Variants in GULP1 observed in about 807,000 individuals in gnomAD.
GULP1 encodes GULP PTB domain containing engulfment adaptor 1, also known as PTB domain-containing engulfment adapter protein 1.
GULP1 carries 19 observed loss-of-function variants against 40.9 expected under a neutral mutation model. The observed-to-expected ratio is 0.46, with a 90% CI of 0.32 to 0.68. The LOEUF (loss-of-function observed/expected upper bound fraction) is 0.68, where lower values mean the gene tolerates loss of function less well. Ranked by LOEUF, GULP1 falls within the 30% of genes least tolerant of loss-of-function variation. The pLI, the probability that GULP1 is intolerant of heterozygous loss-of-function variation, is 0.03. For missense variants in GULP1, 312 were observed against 362.2 expected, an observed-to-expected ratio of 0.86 and a Z score of 1.12; for synonymous variants, 119 against 117.6, an observed-to-expected ratio of 1.01 and a Z score of -0.08.
At chr2:188,469,056 A>G (rs1559277423) in intron 2 of GULP1, among the ~76,000 whole-genome samples, 1 of 152,162 alleles carries the variant, frequency 6.6e-6, no homozygotes, top group Non-Finnish European at 1.5e-5. Context: ...GAGAGGATGT[A>G]AATGAAGGGT....
chr2:188,528,840 C>T lies in GULP1; in HGVS notation c.163-257C>T, dbSNP rs573639691. Among the ~76,000 whole-genome samples, 6 of 152,154 alleles carry T rather than the reference C, an allele frequency of 3.9e-5. No homozygotes were observed. In the East Asian group the frequency reaches 7.7e-4, roughly 20 times the overall value. On this transcript the variant is annotated intron_variant, in intron 5 of 11. Coordinates refer to ENST00000409830, the MANE Select transcript of GULP1 (RefSeq NM_016315.4). ...TTTTCTCAACTGTCTGGTATGAATACGTTTTTGTAAATACCATGAAAGAAG... is the reference window on the plus strand; with the variant it reads ...TTTTCTCAACTGTCTGGTATGAATATGTTTTTGTAAATACCATGAAAGAAG...
intron 1 of GULP1, among the ~76,000 whole-genome samples, chr2:188,334,386 G>A (rs1044184778): frequency 2.6e-5 from 4 of 152,142 alleles, no homozygotes; most frequent in Admixed American, 6.6e-5. Flanking sequence ...GACAACTTAG[G>A]ACAAGTGGTT....
At chr2:188,522,958 C>G (rs1406713080) in intron 5 of GULP1, 131 bp downstream of exon 5, 4 of 561,412 alleles carry the variant, frequency 7.1e-6, no homozygotes, top group Non-Finnish European at 1.3e-5. Flanking sequence ...AACTATTGAA[C>G]AAATGTAATC....
chr2:188,353,853 A>G (rs571145370), intron 1 of GULP1, among the ~76,000 whole-genome samples: 4 of 151,946 alleles, frequency 2.6e-5, no homozygotes, highest in Admixed American at 6.5e-5. Context: ...GGCCTGACCA[A>G]TGAAGTTAGT....
At chr2:188,336,160 C>A (rs1262132234) in intron 1 of GULP1, among the ~76,000 whole-genome samples, 1 of 152,094 alleles carries the variant, frequency 6.6e-6, no homozygotes, top group East Asian at 1.9e-4. Context: ...TTATAAAACG[C>A]ATGTTTTTTC....
At chr2:188,482,323 G>T (rs1293569256) in intron 3 of GULP1, among the ~76,000 whole-genome samples, 4 of 151,922 alleles carry the variant, frequency 2.6e-5, no homozygotes, top group Non-Finnish European at 5.9e-5. Flanking sequence ...ATTAGTTTCT[G>T]TTAACAGCAT....
intron 1 of GULP1, among the ~76,000 whole-genome samples, chr2:188,300,542 C>T (rs72905586): frequency 0.011 from 1,747 of 152,132 alleles, 14 homozygotes; most frequent in Non-Finnish European, 0.02. Flanking sequence ...ACAAGTACAA[C>T]AAATTACTAT....
chr2:188,416,168 C>T (rs2054552760), intron 2 of GULP1, among the ~76,000 whole-genome samples: 1 of 151,856 alleles, frequency 6.6e-6, no homozygotes, highest in African/African-American at 2.4e-5. Flanking sequence ...TTCTTCCCCT[C>T]TCTCTTTTTC....
intron 2 of GULP1, among the ~76,000 whole-genome samples, chr2:188,447,424 G>C (rs890524667): frequency 6.6e-6 from 1 of 152,052 alleles, no homozygotes; most frequent in Admixed American, 6.6e-5. Flanking sequence ...TGGTTGGGGG[G>C]CCTTATAAGT....
At chr2:188,428,614 T>C (rs2056496081) in intron 2 of GULP1, among the ~76,000 whole-genome samples, 2 of 152,182 alleles carry the variant, frequency 1.3e-5, no homozygotes. Context: ...GCTTTGGACA[T>C]GTAAAGTGCA....
intron 2 of GULP1, among the ~76,000 whole-genome samples, chr2:188,392,662 A>G (rs60796263): frequency 0.18 from 26,983 of 151,602 alleles, 2,470 homozygotes; most frequent in South Asian, 0.24. Flanking sequence ...TTGTTTCTCT[A>G]TTTCCTTGAG....
intron 9 of GULP1, among the ~76,000 whole-genome samples, chr2:188,572,497 C>T (rs1406742777): frequency 6.6e-6 from 1 of 152,066 alleles, no homozygotes; most frequent in African/African-American, 2.4e-5. Context: ...ACACTGAGTT[C>T]ATATATATGT....
intron 1 of GULP1, among the ~76,000 whole-genome samples, chr2:188,321,321 A>G (rs915782602): frequency 7.2e-5 from 11 of 152,294 alleles, no homozygotes; most frequent in African/African-American, 2.4e-4. Context: ...AACCAATTTC[A>G]AAAGATTTGA....
chr2:188,561,723 A>T (rs558449581), intron 7 of GULP1, among the ~76,000 whole-genome samples: 38 of 152,172 alleles, frequency 2.5e-4, no homozygotes, highest in Non-Finnish European at 4.4e-4. Context: ...CTGAGGCCCC[A>T]GCATTGCAGA....
intron 2 of GULP1, among the ~76,000 whole-genome samples, chr2:188,400,488 A>C (rs1371118261): frequency 6.6e-6 from 1 of 151,984 alleles, no homozygotes; most frequent in East Asian, 1.9e-4. Flanking sequence ...TGGAGAGGAG[A>C]GATGATGGTG....
chr2:188,484,031 C>T (rs988650714), intron 4 of GULP1, among the ~76,000 whole-genome samples: 8 of 152,144 alleles, frequency 5.3e-5, no homozygotes, highest in Admixed American at 2.6e-4. Flanking sequence ...TCAAGTGATT[C>T]TCCCACTTCA....
intron 7 of GULP1, among the ~76,000 whole-genome samples, chr2:188,559,641 C>T (rs1042352692): frequency 6.6e-6 from 1 of 152,130 alleles, no homozygotes; most frequent in African/African-American, 2.4e-5. Context: ...TGGGTTAATG[C>T]TTAACTGAGT....
intron 2 of GULP1, among the ~76,000 whole-genome samples, chr2:188,411,019 T>C (rs945336430): frequency 3.3e-5 from 5 of 152,196 alleles, no homozygotes; most frequent in Non-Finnish European, 7.3e-5. Context: ...GCATAATTGC[T>C]CTCTACTTGG....
chr2:188,544,480 A>G (rs1403894992), intron 7 of GULP1, among the ~76,000 whole-genome samples: 4 of 151,980 alleles, frequency 2.6e-5, no homozygotes, highest in Non-Finnish European at 4.4e-5. Context: ...TGGCACATGT[A>G]TACATATGTA....
Sources: gnomAD v4.1 joint callset for allele counts (sites outside exome capture counted in the v4.1 genomes callset) on GRCh38, gnomAD v4.1.1 for gene constraint, MANE v1.5 for transcripts, NCBI Gene and HGNC (gene_info 2026-07-23, HGNC 2026-07-21) for gene names.